The following NR4A1 variants were observed in gnomAD, a reference collection of about 807,000 sequenced individuals.
NR4A1 encodes the protein nuclear receptor subfamily 4immunitygroup A member 1.
Under a neutral mutation model 47.5 loss-of-function variants are expected in NR4A1, and 24 were observed. That is an observed-to-expected ratio of 0.50 (90% confidence interval 0.37 to 0.71). The LOEUF (loss-of-function observed/expected upper bound fraction) is 0.71, where lower values mean the gene tolerates loss of function less well. NR4A1 is among the 30% of genes least tolerant of loss of function. The pLI is 0.00. For missense variants in NR4A1, 669 were observed against 788.6 expected, an observed-to-expected ratio of 0.85 and a Z score of 1.82; for synonymous variants, 353 against 345.7, an observed-to-expected ratio of 1.02 and a Z score of -0.24.
At chr12:52,052,753 C>A in intron 1 of NR4A1, 1 of 756,116 alleles carries the variant, frequency 1.3e-6, no homozygotes, top group Non-Finnish European at 1.6e-6. Context: ...TTGAATAAGG[C>A]AGGAACAAGC....
intron 2 of NR4A1, among the ~76,000 whole-genome samples, chr12:52,043,145 C>T (rs1288693602): frequency 6.6e-6 from 1 of 152,160 alleles, no homozygotes; most frequent in Non-Finnish European, 1.5e-5. Flanking sequence ...CTGATGGCAG[C>T]AGGTGCTGTA....
chr12:52,048,122 C>G (rs1411431956), upstream of NR4A1, among the ~76,000 whole-genome samples: 1 of 151,328 alleles, frequency 6.6e-6, no homozygotes, highest in Non-Finnish European at 1.5e-5. Context: ...CCACTTCACT[C>G]TAGCCTGGGC....
intron 1 of NR4A1, among the ~76,000 whole-genome samples, chr12:52,034,008 G>A (rs918419204): frequency 1.3e-5 from 2 of 152,208 alleles, no homozygotes; most frequent in African/African-American, 4.8e-5. Flanking sequence ...TTCAGATGCT[G>A]TGAGATGGAA....
chr12:52,056,611 C>T lies in NR4A1; in HGVS notation c.1124C>T (p.Ser375Leu). 1 of 1,610,786 alleles carries T rather than the reference C, an allele frequency of 6.2e-7. No individual in the cohort carries two copies. The change falls in exon 4 of 7, where the codon TCA becomes TTA. Residue 375 changes from serine (S) to leucine (L), a missense_variant. Ser to Leu is a moderately radical substitution (Grantham distance 145, BLOSUM62 -2). Coordinates refer to ENST00000394825, the MANE Select transcript of NR4A1 (RefSeq NM_173157.3). The stretch of plus-strand genomic sequence containing the variant: ...TCCCTGGTCCGTGCACACCTGGACT[C>T]AGGGCCCAGCACTGCCAAACTGGAC... ...LTSLVRAHLD[S>L]GPSTAKLDYS...
intron 1 of NR4A1, chr12:52,037,570 G>C (rs958703743): frequency 5.1e-6 from 5 of 983,766 alleles, no homozygotes; most frequent in Non-Finnish European, 6.0e-6. Flanking sequence ...GGGAGTCGGG[G>C]GGGGGACTGG....
At chr12:52,045,227 C>G (rs1041713750) in intron 2 of NR4A1, among the ~76,000 whole-genome samples, 2 of 152,216 alleles carry the variant, frequency 1.3e-5, no homozygotes, top group Non-Finnish European at 2.9e-5. Flanking sequence ...AGGAGGGCTG[C>G]CGGCTCCCCC....
chr12:52,042,109 T>C lies in NR4A1; in HGVS notation c.37+180T>C, dbSNP rs1027863343. 3.2e-4 allele frequency among the ~76,000 whole-genome samples: 48 copies of C among 152,008 alleles called. 1 individual carries two copies. The highest frequency in any genetic ancestry group is 1.0e-3 in the African/African-American group (43 of 41,440). Reference sequence around the variant, plus strand: ...CTGATTTCTTTAGAGGTTGGGGTAGTGTGAGTGTGGGGACTGGGGAAGCCT... The same window carrying C: ...CTGATTTCTTTAGAGGTTGGGGTAGCGTGAGTGTGGGGACTGGGGAAGCCT... On this transcript the variant is annotated intron_variant, in intron 2 of 7. Transcript: ENST00000360284.
chr12:52,037,195 G>A (rs1938266097), intron 1 of NR4A1: 1 of 184,436 alleles, frequency 5.4e-6, no homozygotes, highest in African/African-American at 2.4e-5. Context: ...GGGGCGGGGG[G>A]CGCCGCGCGG....
intron 1 of NR4A1, among the ~76,000 whole-genome samples, chr12:52,033,778 G>A (rs180993911): frequency 6.6e-6 from 1 of 152,326 alleles, no homozygotes; most frequent in East Asian, 1.9e-4. Context: ...GAGAGGTCGG[G>A]GGACCCCGGC....
intron 6 of NR4A1, 127 bp downstream of exon 6, chr12:52,057,657 C>T: frequency 9.6e-7 from 1 of 1,046,362 alleles, no homozygotes; most frequent in Non-Finnish European, 1.4e-6. Context: ...CCTGCACTGC[C>T]CCGGGCTCAT....
At chr12:52,055,652 C>G (rs1239123377) in intron 2 of NR4A1, 1 of 376,588 alleles carries the variant, frequency 2.7e-6, no homozygotes, top group African/African-American at 2.1e-5. Context: ...TTTGTCCCAG[C>G]GATGGTGCCT....
intron 1 of NR4A1, among the ~76,000 whole-genome samples, chr12:52,034,454 C>T (rs748592878): frequency 4.6e-5 from 7 of 152,234 alleles, no homozygotes; most frequent in African/African-American, 1.7e-4. Flanking sequence ...CCCTCTGCTC[C>T]GACTCCCTGG....
At position 52,057,461 on chromosome 12, in the gene NR4A1, A is replaced by T; in HGVS notation, c.1471A>T (p.Arg491Trp). ...DWIDSILAFS[R>W]SLHSLLVDVP... ...GATTGACAGTATCCTGGCCTTCTCA[A>T]GGTCCCTGCACAGCTTGCTTGTCGA... The change falls in exon 6 of 7, where the codon AGG (arginine) becomes TGG (tryptophan). Residue 491 changes from arginine (R) to tryptophan (W), a missense_variant. Physicochemically the swap from Arg to Trp is moderately radical, Grantham distance 101. Coordinates refer to ENST00000394825, the MANE Select transcript of NR4A1 (RefSeq NM_173157.3). 1 of 1,614,202 alleles carries T rather than the reference A, an allele frequency of 6.2e-7. No homozygotes were observed. The highest frequency in any genetic ancestry group is 1.1e-5 in the South Asian group (1 of 91,084).
chr12:52,056,999 G>C, intron 4 of NR4A1, 58 bp from the exon 5 acceptor site: 1 of 1,448,906 alleles, frequency 6.9e-7, no homozygotes, highest in Non-Finnish European at 9.4e-7. Flanking sequence ...ACAGCCATAC[G>C]TGGCAGTGGG....
At position 52,059,152 on chromosome 12, in the gene NR4A1, C is replaced by T; in HGVS notation, c.*208C>T. Reference sequence around the variant, plus strand: ...GGGTGACCCCACGATTTGTCTTATCCCCCCCAGCCTGGCCCCGGCCTTTAT... The same window carrying T: ...GGGTGACCCCACGATTTGTCTTATCTCCCCCAGCCTGGCCCCGGCCTTTAT... On this transcript the variant is annotated 3_prime_UTR_variant, in exon 7 of 7. Transcript: ENST00000394825. The T allele has an allele frequency of 1.6e-6, 1 of 629,292 alleles. No individual in the cohort carries two copies. Among genetic ancestry groups the T allele is most frequent in the Non-Finnish European group, 2.7e-6 (1 of 374,194 alleles). The allele number at this position is 629,292 out of a possible 1,614,324, so 39.0% of individuals were successfully genotyped here.
In NR4A1 at chr12:52,057,625, G is replaced by A. The variant is rs986742399; in HGVS notation, c.1540+95G>A. The A allele has an allele frequency of 6.6e-5, 95 of 1,429,020 alleles. No homozygotes were observed. The East Asian group carries it at 1.0e-3, about 16-fold the overall frequency. The allele number at this position is 1,429,020 out of a possible 1,614,324, so 88.5% of individuals were successfully genotyped here. On this transcript the variant is annotated intron_variant, in intron 6 of 6. Transcript: ENST00000394825. ...ACTGTCCCAGGGAGTTTGGTGGGCC[G>A]GGATCTAGCACTTTCTGGGCCCCTG...
chr12:52,058,546 GC>G, intron 6 of NR4A1, 141 bp from the exon 7 acceptor site: 1 of 1,091,066 alleles, frequency 9.2e-7, no homozygotes, highest in Non-Finnish European at 1.3e-6. Context: ...CTTACTAATG[GC>G]CAACATGTGA....
At chr12:52,048,733 T>C (rs528219546), upstream of NR4A1, among the ~76,000 whole-genome samples, 12 of 152,324 alleles carry the variant, frequency 7.9e-5, no homozygotes, top group African/African-American at 2.6e-4. Flanking sequence ...ACTTGCTGTG[T>C]GCTCCTGAGC....
chr12:52,027,188 GTT>G (rs1410190051), intron 1 of NR4A1, among the ~76,000 whole-genome samples: 1 of 152,214 alleles, frequency 6.6e-6, no homozygotes, highest in Non-Finnish European at 1.5e-5. Context: ...CTTCCAGCCC[GTT>G]ACATAAGCTG....
Sources: gnomAD v4.1 joint callset for allele counts (sites outside exome capture counted in the v4.1 genomes callset) on GRCh38, gnomAD v4.1.1 for gene constraint, MANE v1.5 for transcripts, NCBI Gene and HGNC (gene_info 2026-07-23, HGNC 2026-07-21) for gene names.